The following DNM3 variants were observed in gnomAD, a reference collection of about 807,000 sequenced individuals.
DNM3 encodes the protein dynamin 3, also known as dynamin-3.
In DNM3, 47 loss-of-function variants were observed where a neutral mutation model predicts 101.6. That is an observed-to-expected ratio of 0.46 (90% CI 0.37 to 0.59). DNM3 has a LOEUF of 0.59. Among genes scored for constraint, DNM3 ranks in the 20% least tolerant of loss-of-function variants. The pLI is 0.00. For missense variants in DNM3, 849 were observed against 1,085.7 expected (o/e 0.78, Z 3.06); for synonymous variants, 385 against 387.9 (o/e 0.99, Z 0.09).
At chr1:171,896,113 G>C (rs1571476484) in intron 1 of DNM3, among the ~76,000 whole-genome samples, 1 of 152,158 alleles carries the variant, frequency 6.6e-6, no homozygotes, top group African/African-American at 2.4e-5. Flanking sequence ...GATTGTCTTG[G>C]CAATGCGGGC....
rs373398423 is a variant in DNM3, at chr1:172,131,209, T to A, written c.1580T>A (p.Ile527Asn). The A allele has an allele frequency of 6.2e-7, 1 of 1,613,294 alleles. No individual in the cohort carries two copies. The change falls in exon 14 of 21, where the codon ATT becomes AAT. Residue 527 changes from isoleucine (I) to asparagine (N), a missense_variant. Coordinates refer to ENST00000627582, the MANE Select transcript of DNM3 (RefSeq NM_015569.5). ...AAGGGGTGGCTCACCATCAGCAACA[T>A]TGGCATCATGAAAGGCGGCTCGAAG... Reference protein sequence around the residue: ...IRKGWLTISNIGIMKGGSKGY... With the variant: ...IRKGWLTISNNGIMKGGSKGY...
intron 2 of DNM3, among the ~76,000 whole-genome samples, chr1:171,959,527 A>G (rs1454465537): frequency 6.6e-6 from 1 of 152,168 alleles, no homozygotes; most frequent in African/African-American, 2.4e-5. Flanking sequence ...TAGGCTACAT[A>G]TGCAGATTTG....
chr1:172,411,970 A>C lies in DNM3; in HGVS notation c.*4129A>C. On this transcript the variant is annotated 3_prime_UTR_variant, in exon 21 of 21. Coordinates refer to ENST00000627582, the MANE Select transcript of DNM3 (RefSeq NM_015569.5). Reference sequence around the variant, plus strand: ...TCATCCTGTCTGGTTGCTATGTTTAAAATTATGTGGTGCTGTGTAGGTGAA... The same window carrying C: ...TCATCCTGTCTGGTTGCTATGTTTACAATTATGTGGTGCTGTGTAGGTGAA... The C allele has an allele frequency of 4.1e-6, 4 of 985,754 alleles. No homozygotes were observed. The highest frequency in any genetic ancestry group is 1.7e-5 in the African/African-American group (1 of 57,338). 61.1% of individuals were successfully genotyped at this position (985,754 alleles called of 1,614,324 possible).
chr1:172,378,808 C>T (rs899192545), intron 17 of DNM3, among the ~76,000 whole-genome samples: 1 of 151,980 alleles, frequency 6.6e-6, no homozygotes, highest in Non-Finnish European at 1.5e-5. Context: ...CTTGCTTTCC[C>T]TAGAATGTGG....
intron 14 of DNM3, among the ~76,000 whole-genome samples, chr1:172,175,655 G>A (rs568484305): frequency 4.8e-4 from 73 of 151,852 alleles, no homozygotes; most frequent in African/African-American, 6.0e-4. Flanking sequence ...ATAAAATTTT[G>A]TGAAGGAGAT....
chr1:172,210,761 G>A (rs922511486), intron 14 of DNM3, among the ~76,000 whole-genome samples: 3 of 152,058 alleles, frequency 2.0e-5, no homozygotes, highest in African/African-American at 7.2e-5. Context: ...ACAGAAGAAA[G>A]CAGATAACAT....
At chr1:172,032,986 G>A in intron 5 of DNM3, 119 bp from the exon 6 acceptor site, 1 of 1,218,020 alleles carries the variant, frequency 8.2e-7, no homozygotes, top group Non-Finnish European at 1.1e-6. Flanking sequence ...AAGGAACTCA[G>A]TCTTCAGGCC....
At chr1:172,140,567 C>G (rs1421345959) in intron 14 of DNM3, 1 of 151,786 alleles carries the variant, frequency 6.6e-6, no homozygotes, top group South Asian at 2.1e-4. Flanking sequence ...CCAGTTAACT[C>G]TGCTCAATTA....
intron 13 of DNM3, among the ~76,000 whole-genome samples, chr1:172,101,635 T>C (rs1572513521): frequency 6.6e-6 from 1 of 152,284 alleles, no homozygotes; most frequent in East Asian, 1.9e-4. Flanking sequence ...ATTATCTCAG[T>C]TTTACAGATG....
chr1:171,933,057 T>C (rs111968102), intron 2 of DNM3, among the ~76,000 whole-genome samples: 1 of 152,134 alleles, frequency 6.6e-6, no homozygotes, highest in African/African-American at 2.4e-5. Context: ...TCAGGCAAAA[T>C]AGACTAGAAA....
At chr1:172,305,004 C>CTA (rs1405125215) in intron 15 of DNM3, among the ~76,000 whole-genome samples, 2 of 152,106 alleles carry the variant, frequency 1.3e-5, no homozygotes, top group Non-Finnish European at 2.9e-5. Context: ...AATTCAAAAG[C>CTA]TAGCAGAAGG....
chr1:171,935,593 C>T (rs2041345762), intron 2 of DNM3, among the ~76,000 whole-genome samples: 1 of 152,000 alleles, frequency 6.6e-6, no homozygotes, highest in African/African-American at 2.4e-5. Flanking sequence ...GGGACAGTTT[C>T]AGTGCGTTGT....
chr1:172,359,393 T>A (rs544876921), intron 17 of DNM3, among the ~76,000 whole-genome samples: 1 of 151,990 alleles, frequency 6.6e-6, no homozygotes, highest in Non-Finnish European at 1.5e-5. Flanking sequence ...TACTGTAAGA[T>A]AGTAAAATGT....
intron 17 of DNM3, among the ~76,000 whole-genome samples, chr1:172,358,301 A>C (rs1014905917): frequency 6.6e-6 from 1 of 152,084 alleles, no homozygotes; most frequent in Non-Finnish European, 1.5e-5. Flanking sequence ...CTATGGAAAG[A>C]ACAATGCTAG....
At chr1:172,019,552 A>G (rs940676441) in intron 4 of DNM3, among the ~76,000 whole-genome samples, 1 of 151,358 alleles carries the variant, frequency 6.6e-6, no homozygotes, top group Non-Finnish European at 1.5e-5. Flanking sequence ...CTCAGTCATT[A>G]TTTCTTTAAA....
At chr1:171,989,199 G>C (rs2045476060) in intron 4 of DNM3, 51 bp downstream of exon 4, 2 of 1,537,292 alleles carry the variant, frequency 1.3e-6, no homozygotes, top group South Asian at 2.4e-5. Context: ...CAGGAGTTTT[G>C]GTATCTTTAA....
At chr1:171,942,791 G>A (rs893405919) in intron 2 of DNM3, among the ~76,000 whole-genome samples, 1 of 152,152 alleles carries the variant, frequency 6.6e-6, no homozygotes, top group African/African-American at 2.4e-5. Flanking sequence ...TGGCTATCTT[G>A]AGGAAGAGTA....
At chr1:172,009,067 G>T (rs1011503391) in intron 4 of DNM3, among the ~76,000 whole-genome samples, 3 of 131,416 alleles carry the variant, frequency 2.3e-5, no homozygotes, top group Admixed American at 8.4e-5. Flanking sequence ...TATATTATAT[G>T]TATTTATATA....
At chr1:172,190,282 G>A (rs1188768724) in intron 14 of DNM3, among the ~76,000 whole-genome samples, 7 of 152,142 alleles carry the variant, frequency 4.6e-5, no homozygotes, top group Non-Finnish European at 8.8e-5. Flanking sequence ...CTGTCCTTGC[G>A]ATAGTTTGCT....
Sources: allele counts gnomAD v4.1 joint callset (sites outside exome capture counted in the v4.1 genomes callset), GRCh38; gene constraint gnomAD v4.1.1; transcripts MANE v1.5; gene names NCBI Gene and HGNC (gene_info 2026-07-23, HGNC 2026-07-21).